The following SYK variants were observed in gnomAD, a reference collection of about 807,000 sequenced individuals.
SYK encodes tyrosine-protein kinase SYK.
In SYK, 16 loss-of-function variants were observed where a neutral mutation model predicts 77.8. The ratio of observed to expected loss-of-function variants is 0.21; its 90% CI spans 0.14 to 0.31. SYK has a LOEUF of 0.31. Ranked by LOEUF, SYK falls within the 10% of genes least tolerant of loss-of-function variation. The pLI, the probability that SYK is intolerant of heterozygous loss-of-function variation, is 1.00. For missense variants in SYK, 529 were observed against 814.4 expected, an observed-to-expected ratio of 0.65 and a Z score of 4.26; for synonymous variants, 312 against 308.7, an observed-to-expected ratio of 1.01 and a Z score of -0.11.
intron 1 of SYK, among the ~76,000 whole-genome samples, chr9:90,839,985 C>T (rs545289097): frequency 2.0e-5 from 3 of 152,116 alleles, no homozygotes; most frequent in South Asian, 2.1e-4. Context: ...GAGGGAGGAC[C>T]GGGCAGCTGG....
chr9:90,876,940 A>T (rs1240433070), intron 9 of SYK, among the ~76,000 whole-genome samples: 1 of 152,234 alleles, frequency 6.6e-6, no homozygotes, highest in Non-Finnish European at 1.5e-5. Context: ...TGTTACAGGA[A>T]TTCGTACATG....
intron 1 of SYK, among the ~76,000 whole-genome samples, chr9:90,810,261 A>C: frequency 6.6e-6 from 1 of 151,936 alleles, no homozygotes; most frequent in East Asian, 1.9e-4. Flanking sequence ...GGGTGGGACA[A>C]TGTGCCCCCA....
Position 90,810,321 on chromosome 9 carries a change from CCCTGTGTG to C in SYK, c.-42+8434_-42+8441del, listed in dbSNP as rs539171184. ...CATCTCCAGCTCCACATGGCATGCTCCCTGTGTGCCTGTCTCTGGGTCCAGATCTCCTT... is the reference window on the plus strand; with the variant it reads ...CATCTCCAGCTCCACATGGCATGCTCCCTGTCTCTGGGTCCAGATCTCCTT... On this transcript the variant is annotated intron_variant, in intron 1 of 13. Transcript: ENST00000375754. Among the ~76,000 whole-genome samples the C allele has an allele frequency of 1.2e-4, 18 of 152,266 alleles. No individual in the cohort carries two copies. The South Asian group carries it at 2.7e-3, about 23-fold the overall frequency.
chr9:90,873,223 G>A (rs1827796996), intron 7 of SYK, among the ~76,000 whole-genome samples: 1 of 152,058 alleles, frequency 6.6e-6, no homozygotes, highest in African/African-American at 2.4e-5. Context: ...GTCACGTTAA[G>A]CTTAATGTCT....
chr9:90,826,879 C>G (rs1825682904), intron 1 of SYK, among the ~76,000 whole-genome samples: 1 of 152,162 alleles, frequency 6.6e-6, no homozygotes, highest in East Asian at 1.9e-4. Flanking sequence ...ACCAGGAGGC[C>G]TGGGAACAGG....
At chr9:90,809,401 A>G (rs917510897) in intron 1 of SYK, among the ~76,000 whole-genome samples, 1 of 152,230 alleles carries the variant, frequency 6.6e-6, no homozygotes, top group South Asian at 2.1e-4. Flanking sequence ...CAGAATCCCT[A>G]TCCACTACTC....
intron 10 of SYK, 42 bp from the exon 11 acceptor site, chr9:90,878,722 G>T: frequency 6.5e-7 from 1 of 1,540,246 alleles, no homozygotes; most frequent in Non-Finnish European, 8.9e-7. Flanking sequence ...TGTGAAATGG[G>T]TCACTGTCTG....
At chr9:90,810,300 T>TC (rs1202410460) in intron 1 of SYK, among the ~76,000 whole-genome samples, 1 of 152,160 alleles carries the variant, frequency 6.6e-6, no homozygotes, top group African/African-American at 2.4e-5. Flanking sequence ...GGTGACCATC[T>TC]CCAGCTCCAC....
intron 1 of SYK, among the ~76,000 whole-genome samples, chr9:90,812,811 G>T (rs1343360056): frequency 6.6e-6 from 1 of 151,210 alleles, no homozygotes; most frequent in Non-Finnish European, 1.5e-5. Context: ...GAGGGCTCGT[G>T]TTTTTCTGTT....
At chr9:90,891,929 C>T (rs941454373) in intron 13 of SYK, among the ~76,000 whole-genome samples, 4 of 152,002 alleles carry the variant, frequency 2.6e-5, no homozygotes, top group African/African-American at 9.7e-5. Context: ...ATGACAAAGC[C>T]CTGAGAAGGC....
chr9:90,862,047 C>T (rs1367917007), intron 3 of SYK, among the ~76,000 whole-genome samples, 159 bp from the exon 4 acceptor site: 1 of 152,180 alleles, frequency 6.6e-6, no homozygotes, highest in Non-Finnish European at 1.5e-5. Flanking sequence ...TGGGTAAAGC[C>T]CTTGACCCTG....
chr9:90,864,458 TA>T (rs1827395293), intron 4 of SYK, 130 bp from the exon 5 acceptor site: 1 of 752,610 alleles, frequency 1.3e-6, no homozygotes. Context: ...GGAGTGGACT[TA>T]AGCACATAAA....
chr9:90,830,446 C>G (rs1360365317), intron 1 of SYK, among the ~76,000 whole-genome samples: 1 of 152,212 alleles, frequency 6.6e-6, no homozygotes, highest in East Asian at 1.9e-4. Flanking sequence ...GTCAAACATG[C>G]TTGTTTGCAG....
At chr9:90,879,197 G>A (rs546431857) in intron 11 of SYK, among the ~76,000 whole-genome samples, 10 of 152,262 alleles carry the variant, frequency 6.6e-5, no homozygotes, top group African/African-American at 1.7e-4. Flanking sequence ...ATCAGGAATC[G>A]AGGTATTAAG....
intron 3 of SYK, among the ~76,000 whole-genome samples, chr9:90,855,011 T>TACACACACACAC (rs55839931): frequency 0.04 from 5,770 of 143,334 alleles, 151 homozygotes; most frequent in East Asian, 0.069. Flanking sequence ...CACACATACA[T>TACACACACACAC]ACACACACAC....
chr9:90,875,000 G>A (rs290226), intron 9 of SYK, 151 bp downstream of exon 9: 88 of 981,620 alleles, frequency 9.0e-5, no homozygotes, highest in Non-Finnish European at 1.2e-4. Flanking sequence ...TAATGAAAGC[G>A]TCCATTACCT....
In SYK at chr9:90,884,150, T is replaced by TGTGTATATATATATACACACAC. The variant is rs1554714310; in HGVS notation, c.1582-3588_1582-3587insTATACACACACGTGTATATATA. 1.5e-3 allele frequency among the ~76,000 whole-genome samples: 108 copies of TGTGTATATATATATACACACAC among 71,474 alleles called. 5 individuals carry two copies. The highest frequency in any genetic ancestry group is 6.2e-3 in the African/African-American group (102 of 16,438). The allele number at this position is 71,474 out of a possible 152,430, so 46.9% of individuals were successfully genotyped here. ...AGTGCCCTACATATATATATGTGTGTGTGTATATATACACACATACACATA... is the reference window on the plus strand; with the variant it reads ...AGTGCCCTACATATATATATGTGTGTGTGTATATATATATACACACACGTGTATATATACACACATACACATA... On this transcript the variant is annotated intron_variant, in intron 11 of 13. Transcript: ENST00000375754.
At chr9:90,860,292 G>A (rs1385924798) in intron 3 of SYK, among the ~76,000 whole-genome samples, 5 of 152,240 alleles carry the variant, frequency 3.3e-5, no homozygotes, top group Admixed American at 2.6e-4. Flanking sequence ...TCTTACTGCT[G>A]TAGTATTTGG....
intron 1 of SYK, among the ~76,000 whole-genome samples, chr9:90,820,224 G>A (rs1329147700): frequency 6.6e-6 from 1 of 152,198 alleles, no homozygotes; most frequent in Non-Finnish European, 1.5e-5. Flanking sequence ...CAAGCTGTCA[G>A]TGGATCTACC....
Sources: gnomAD v4.1 joint callset for allele counts (sites outside exome capture counted in the v4.1 genomes callset) on GRCh38, gnomAD v4.1.1 for gene constraint, MANE v1.5 for transcripts, NCBI Gene and HGNC (gene_info 2026-07-23, HGNC 2026-07-21) for gene names.